The following FANK1 variants were observed in gnomAD, a reference collection of about 807,000 sequenced individuals.
The protein encoded by FANK1 is fibronectin type III and ankyrin repeat domains 1.
A neutral mutation model predicts 45.3 loss-of-function variants in FANK1; 44 were observed. The observed-to-expected ratio is 0.97, with a 90% confidence interval of 0.76 to 1.25. The LOEUF (loss-of-function observed/expected upper bound fraction) is 1.25. Among genes scored for constraint, FANK1 ranks in the 50% most tolerant of loss-of-function variants. FANK1 has a pLI of 0.00. For missense variants in FANK1, 391 were observed against 424.4 expected (o/e 0.92, Z 0.69); for synonymous variants, 149 against 152.5 (o/e 0.98, Z 0.17).
At chr10:125,948,598 A>G (rs376609420) in intron 1 of FANK1, among the ~76,000 whole-genome samples, 7 of 152,182 alleles carry the variant, frequency 4.6e-5, no homozygotes, top group Non-Finnish European at 8.8e-5. Flanking sequence ...CAATAACAGG[A>G]TCTGAAATTG....
chr10:125,983,023 C>T lies in FANK1; in HGVS notation c.191+2685C>T, dbSNP rs1227217154. Among the ~76,000 whole-genome samples the T allele has an allele frequency of 6.6e-6, 1 of 151,938 alleles. No individual in the cohort carries two copies. Among genetic ancestry groups the T allele is most frequent in the East Asian group, 1.9e-4 (1 of 5,190 alleles). On this transcript the variant is annotated intron_variant, in intron 2 of 10. Transcript: ENST00000368693. This position sits in a 1 kb window ranked among gnomAD's most constrained non-coding sequence, Gnocchi z 4.3. ...CCTCCATTGCTTAAAGGATAAAGGC[C>T]AAATTCCTTAGACTAACATTTAATG...
intron 1 of FANK1, among the ~76,000 whole-genome samples, chr10:125,912,295 A>T (rs1291579720): frequency 6.6e-6 from 1 of 152,230 alleles, no homozygotes; most frequent in Non-Finnish European, 1.5e-5. Flanking sequence ...ACAAACTGTA[A>T]CTCAAGTGCT....
chr10:125,955,089 A>G (rs1949495499), intron 1 of FANK1, among the ~76,000 whole-genome samples: 1 of 151,478 alleles, frequency 6.6e-6, no homozygotes, highest in Non-Finnish European at 1.5e-5. Flanking sequence ...AACACTCATA[A>G]TGCTCAAAGT....
At chr10:125,949,132 G>A (rs1457535421) in intron 1 of FANK1, among the ~76,000 whole-genome samples, 1 of 151,894 alleles carries the variant, frequency 6.6e-6, no homozygotes. Flanking sequence ...AATAATAAGA[G>A]CTATCTATGG....
chr10:126,009,027 C>T (rs1304222927), intron 8 of FANK1, 27 bp from the exon 9 acceptor site: 9 of 1,609,372 alleles, frequency 5.6e-6, no homozygotes, highest in Non-Finnish European at 7.6e-6. Flanking sequence ...GAAGCTCATG[C>T]ACACCACCCT....
intron 1 of FANK1, among the ~76,000 whole-genome samples, chr10:125,905,063 G>A (rs61873375): frequency 0.38 from 55,418 of 145,444 alleles, 10,477 homozygotes; most frequent in Non-Finnish European, 0.44. Flanking sequence ...CCCGGGAGGC[G>A]GACCTTGCAG....
intron 1 of FANK1, among the ~76,000 whole-genome samples, chr10:125,955,662 G>C (rs1949532612): frequency 6.6e-6 from 1 of 152,088 alleles, no homozygotes; most frequent in Non-Finnish European, 1.5e-5. Flanking sequence ...TGTCGCAGCA[G>C]ATTTTCGCCA....
chr10:125,915,526 C>T (rs569808218), intron 1 of FANK1, among the ~76,000 whole-genome samples: 5 of 152,138 alleles, frequency 3.3e-5, no homozygotes, highest in Non-Finnish European at 7.3e-5. Context: ...GACTAGAAAA[C>T]CTTAAAGGGG....
At chr10:125,989,288 C>G in intron 3 of FANK1, 1 of 1,550,256 alleles carries the variant, frequency 6.5e-7, no homozygotes, top group Non-Finnish European at 8.7e-7. Context: ...AGGGCCATCT[C>G]TGAGCAAGAG....
chr10:125,972,534 A>G (rs1384290921), intron 1 of FANK1, among the ~76,000 whole-genome samples: 2 of 152,192 alleles, frequency 1.3e-5, no homozygotes, highest in Admixed American at 6.5e-5. Context: ...ATTGGGTCCC[A>G]TCCACTATTT....
At chr10:125,990,056 G>A (rs771129664) in intron 3 of FANK1, among the ~76,000 whole-genome samples, 2 of 152,214 alleles carry the variant, frequency 1.3e-5, no homozygotes, top group Non-Finnish European at 2.9e-5. Context: ...TGCTCCATGG[G>A]CAAGCATGGC....
intron 4 of FANK1, among the ~76,000 whole-genome samples, chr10:125,996,189 A>G (rs973515932): frequency 6.6e-6 from 1 of 152,216 alleles, no homozygotes; most frequent in Non-Finnish European, 1.5e-5. Flanking sequence ...ATACAGACTC[A>G]TGTTCGGTAG....
intron 1 of FANK1, among the ~76,000 whole-genome samples, chr10:125,906,515 C>CGAAAAAAAAAAAAAAAAAAAAAA (rs1491451803): frequency 2.2e-5 from 1 of 46,410 alleles, no homozygotes; most frequent in African/African-American, 7.5e-5. Context: ...GACTCTGTCT[C>CGAAAAAAAAAAAAAAAAAAAAAA]AAAAAAAAAA....
intron 1 of FANK1, among the ~76,000 whole-genome samples, chr10:125,942,458 G>GT (rs1380485468): frequency 3.3e-5 from 5 of 152,132 alleles, no homozygotes; most frequent in African/African-American, 7.2e-5. Flanking sequence ...CAATTTTAGA[G>GT]TTTTTTCCCC....
intron 2 of FANK1, among the ~76,000 whole-genome samples, chr10:125,986,860 C>T (rs965322367): frequency 6.6e-6 from 1 of 152,196 alleles, no homozygotes; most frequent in Non-Finnish European, 1.5e-5. Flanking sequence ...GACCTTCTGG[C>T]TTCTCCTTTG....
intron 3 of FANK1, among the ~76,000 whole-genome samples, chr10:125,991,250 GGTGTGTGTGTGT>G (rs113257579): frequency 2.1e-5 from 3 of 145,908 alleles, no homozygotes; most frequent in African/African-American, 5.1e-5. Flanking sequence ...GGTGACCAGG[GGTGTGTGTGTGT>G]GTGTGTGTGT....
intron 1 of FANK1, among the ~76,000 whole-genome samples, chr10:125,950,497 C>G (rs1176798440): frequency 6.6e-6 from 1 of 151,798 alleles, no homozygotes; most frequent in Non-Finnish European, 1.5e-5. Context: ...ATTTATGCAG[C>G]CAAAAAACAC....
At chr10:125,980,425 T>C in intron 2 of FANK1, 87 bp downstream of exon 2, 1 of 1,397,918 alleles carries the variant, frequency 7.2e-7, no homozygotes, top group Non-Finnish European at 9.7e-7. Context: ...AGCCACTGCT[T>C]GTTTCAAATT....
intron 2 of FANK1, among the ~76,000 whole-genome samples, chr10:125,981,064 C>T (rs1489788768): frequency 6.6e-6 from 1 of 152,166 alleles, no homozygotes; most frequent in African/African-American, 2.4e-5. Flanking sequence ...TGTTCCTTTC[C>T]TGCCTCCTCA....
Sources: gnomAD v4.1 joint callset for allele counts (sites outside exome capture counted in the v4.1 genomes callset) on GRCh38, gnomAD v4.1.1 for gene constraint, Gnocchi (gnomAD v3.1) non-coding constraint, MANE v1.5 for transcripts, NCBI Gene and HGNC (gene_info 2026-07-23, HGNC 2026-07-21) for gene names.